Variants in WWOX observed in about 807,000 individuals in gnomAD.
WWOX encodes WW domain-containing oxidoreductase.
In WWOX, 69 loss-of-function variants were observed where a neutral mutation model predicts 46.2. The ratio of observed to expected loss-of-function variants is 1.49; its 90% CI spans 1.23 to 1.82. The LOEUF is 1.82. WWOX is among the 40% of genes most tolerant of loss of function. The pLI, the probability that WWOX is intolerant of heterozygous loss-of-function variation, is 0.00. For missense variants in WWOX, 919 were observed against 542.6 expected, an observed-to-expected ratio of 1.69 and a Z score of -6.89; for synonymous variants, 359 against 202.6, an observed-to-expected ratio of 1.77 and a Z score of -6.56.
intron 8 of WWOX, among the ~76,000 whole-genome samples, chr16:78,578,313 G>A (rs1597296644): frequency 4.0e-5 from 1 of 25,064 alleles, no homozygotes; most frequent in Non-Finnish European, 7.1e-5. Flanking sequence ...TTTTTTGGTC[G>A]GAGTCTCACC....
chr16:78,998,953 A>G (rs1452059062), intron 8 of WWOX, among the ~76,000 whole-genome samples: 1 of 152,192 alleles, frequency 6.6e-6, no homozygotes, highest in African/African-American at 2.4e-5. Context: ...AACTTGCAGG[A>G]TGGGTGTTGA....
At chr16:79,090,713 G>A (rs957001080) in intron 8 of WWOX, among the ~76,000 whole-genome samples, 1 of 152,218 alleles carries the variant, frequency 6.6e-6, no homozygotes, top group African/African-American at 2.4e-5. Context: ...TGAGGCACAT[G>A]CTCGGCGGGG....
intron 6 of WWOX, among the ~76,000 whole-genome samples, chr16:78,406,649 T>C (rs1235032023): frequency 7.2e-6 from 1 of 139,782 alleles, no homozygotes; most frequent in Non-Finnish European, 1.5e-5. Context: ...TTTTGAGAGA[T>C]GGAGTGTCAC....
chr16:79,088,283 G>A (rs958184955), intron 8 of WWOX, among the ~76,000 whole-genome samples: 2 of 152,314 alleles, frequency 1.3e-5, no homozygotes, highest in Non-Finnish European at 1.5e-5. Flanking sequence ...GTAAAGGGAG[G>A]ACGCAGAGCA....
At chr16:79,097,348 C>CTTT (rs545489914) in intron 8 of WWOX, among the ~76,000 whole-genome samples, 23 of 136,908 alleles carry the variant, frequency 1.7e-4, no homozygotes, top group South Asian at 2.4e-4. Flanking sequence ...GGCTCCAAAA[C>CTTT]TTTTTTTTTT....
At chr16:78,120,311 C>A (rs2033025699) in intron 4 of WWOX, among the ~76,000 whole-genome samples, 1 of 152,152 alleles carries the variant, frequency 6.6e-6, no homozygotes, top group Non-Finnish European at 1.5e-5. Flanking sequence ...TGGCTCACGC[C>A]TGTAATCCCA....
chr16:78,871,887 GC>G (rs2044136690), intron 8 of WWOX, among the ~76,000 whole-genome samples: 1 of 152,160 alleles, frequency 6.6e-6, no homozygotes, highest in South Asian at 2.1e-4. Flanking sequence ...ACAGGTGTGA[GC>G]CCCCAGGCCC....
At chr16:78,851,994 C>T (rs1445654239) in intron 8 of WWOX, among the ~76,000 whole-genome samples, 1 of 152,140 alleles carries the variant, frequency 6.6e-6, no homozygotes, top group African/African-American at 2.4e-5. Context: ...TGAAACACAG[C>T]ACTTTTGGGA....
chr16:78,522,858 G>A (rs555516380), intron 8 of WWOX, among the ~76,000 whole-genome samples: 11 of 152,300 alleles, frequency 7.2e-5, no homozygotes, highest in African/African-American at 2.6e-4. Context: ...GATCACTCGA[G>A]GTCAGGAGTT....
At chr16:78,269,466 G>A (rs1259881678) in intron 5 of WWOX, among the ~76,000 whole-genome samples, 3 of 152,158 alleles carry the variant, frequency 2.0e-5, no homozygotes, top group African/African-American at 7.2e-5. Flanking sequence ...TGCTCGTGCT[G>A]CCCTGTGACA....
At chr16:78,678,657 A>C (rs1048525584) in intron 8 of WWOX, among the ~76,000 whole-genome samples, 1 of 152,186 alleles carries the variant, frequency 6.6e-6, no homozygotes, top group Admixed American at 6.5e-5. Flanking sequence ...CTTGGAGGGT[A>C]GGGAAGTCTT....
At chr16:78,254,499 C>CTTTTTTTTTTTTTTTTTTTTTTTTT (rs1597405923) in intron 5 of WWOX, among the ~76,000 whole-genome samples, 1 of 52,138 alleles carries the variant, frequency 1.9e-5, no homozygotes, top group African/African-American at 1.2e-4. Context: ...TCTTTTCTTT[C>CTTTTTTTTTTTTTTTTTTTTTTTTT]TTGTTTTTTT....
intron 5 of WWOX, among the ~76,000 whole-genome samples, chr16:78,329,941 T>G (rs1435609539): frequency 6.6e-6 from 1 of 152,042 alleles, no homozygotes; most frequent in Non-Finnish European, 1.5e-5. Flanking sequence ...AGACAAGTTC[T>G]TGCTATGTTG....
rs546782671 is a variant in WWOX at position 79,180,979 on chromosome 16, G to C, written c.1057-30629G>C. 2.6e-5 allele frequency among the ~76,000 whole-genome samples: 4 copies of C among 152,188 alleles called. No homozygotes were observed. The East Asian group carries it at 7.7e-4, about 29-fold the overall frequency. ...ATTTTAATACAGTTGAGATCATATT[G>C]TATGTCTGATTTTTTAGCGTATTAG... On this transcript the variant is annotated intron_variant, in intron 8 of 8. Transcript: ENST00000566780.
intron 8 of WWOX, among the ~76,000 whole-genome samples, chr16:79,199,010 C>T (rs2051294812): frequency 6.6e-6 from 1 of 152,164 alleles, no homozygotes; most frequent in Non-Finnish European, 1.5e-5. Context: ...GTCACTTGCT[C>T]TTTGACCTAG....
chr16:78,910,542 G>C (rs2045083264), intron 8 of WWOX, among the ~76,000 whole-genome samples: 1 of 150,492 alleles, frequency 6.6e-6, no homozygotes, highest in Admixed American at 6.6e-5. Context: ...TGCTGTATGA[G>C]TCTTTTCTCA....
At chr16:78,180,992 C>G (rs1368436916) in intron 5 of WWOX, among the ~76,000 whole-genome samples, 5 of 152,188 alleles carry the variant, frequency 3.3e-5, no homozygotes, top group African/African-American at 4.8e-5. Flanking sequence ...TTTTCTACTA[C>G]TTAAAGCTGA....
chr16:78,825,694 G>C lies in WWOX; in HGVS notation c.1057-385914G>C, dbSNP rs1597677360. 1.1e-5 allele frequency: 6 copies of C among 541,276 alleles called. No individual in the cohort carries two copies. The East Asian group carries it at 1.3e-4, about 11-fold the overall frequency. 33.5% of individuals were successfully genotyped at this position (541,276 alleles called of 1,614,324 possible). ...ATAGGCTGCCAAGCTGTGGTTTCTG[G>C]GAGACTCTGAGGACAGAGGGTCAAA... is the stretch of plus-strand genomic sequence containing the variant. On this transcript the variant is annotated intron_variant, in intron 8 of 8. Transcript: ENST00000566780.
chr16:78,967,408 T>A (rs2046382691), intron 8 of WWOX, among the ~76,000 whole-genome samples: 1 of 145,290 alleles, frequency 6.9e-6, no homozygotes, highest in African/African-American at 2.5e-5. Flanking sequence ...CTCAGCCTCC[T>A]GAGTTGCTGG....
Sources: allele counts gnomAD v4.1 joint callset (sites outside exome capture counted in the v4.1 genomes callset), GRCh38; gene constraint gnomAD v4.1.1; transcripts MANE v1.5; gene names NCBI Gene and HGNC (gene_info 2026-07-23, HGNC 2026-07-21).